Variants in KIDINS220 observed in about 807,000 individuals in gnomAD.
KIDINS220 encodes kinase D-interacting substrate of 220 kDa.
A neutral mutation model predicts 157.6 loss-of-function variants in KIDINS220; 63 were observed. That is an observed-to-expected ratio of 0.40 (90% confidence interval 0.33 to 0.49). The LOEUF (loss-of-function observed/expected upper bound fraction) is 0.49. Ranked by LOEUF, KIDINS220 falls within the 20% of genes least tolerant of loss-of-function variation. KIDINS220 has a pLI of 0.66. For missense variants in KIDINS220, 1,772 were observed against 2,171.2 expected, an observed-to-expected ratio of 0.82 and a Z score of 3.65; for synonymous variants, 732 against 783.6, an observed-to-expected ratio of 0.93 and a Z score of 1.10.
chr2:8,764,694 C>A (rs948021456), intron 22 of KIDINS220, among the ~76,000 whole-genome samples: 1 of 152,222 alleles, frequency 6.6e-6, no homozygotes, highest in African/African-American at 2.4e-5. Flanking sequence ...AATGAAGTAT[C>A]TGGATGGACG....
In KIDINS220 at chr2:8,731,589, A is replaced by G; in HGVS notation, c.4447T>C (p.Ser1483Pro). ...LDPITEEDEK[S>P]DQSGSKLLPG... ...AGAAGCTTACTGCCTGACTGATCTGATTTTTCATCTTCTTCAGTGATAGGA... is the reference window on the plus strand; with the variant it reads ...AGAAGCTTACTGCCTGACTGATCTGGTTTTTCATCTTCTTCAGTGATAGGA... The change falls in exon 30 of 30, where the codon TCA (serine) becomes CCA (proline). Residue 1483 changes from serine to proline, a missense_variant. Around this residue, in one of 3 missense-constraint regions of KIDINS220, gnomAD observed 793 missense variants for 885.5 expected, o/e 0.90. Transcript: ENST00000256707. This position sits in a 1 kb window ranked among gnomAD's most constrained non-coding sequence, Gnocchi z 5.2. 7 of 1,613,992 alleles carry G rather than the reference A, an allele frequency of 4.3e-6. No individual in the cohort carries two copies. Among genetic ancestry groups the G allele is most frequent in the Non-Finnish European group, 5.9e-6 (7 of 1,179,968 alleles).
At chr2:8,808,356 T>C (rs1675810336) in intron 6 of KIDINS220, among the ~76,000 whole-genome samples, 1 of 152,204 alleles carries the variant, frequency 6.6e-6, no homozygotes, top group Non-Finnish European at 1.5e-5. Context: ...ATATACTTAT[T>C]GTAACTGAGT....
chr2:8,733,691 G>C lies in KIDINS220; in HGVS notation c.3817-11C>G, dbSNP rs765555676. 1 of 1,449,042 alleles carries C rather than the reference G, an allele frequency of 6.9e-7. No individual in the cohort carries two copies. Among genetic ancestry groups the C allele is most frequent in the South Asian group, 1.4e-5 (1 of 71,460 alleles). The allele number at this position is 1,449,042 out of a possible 1,614,324, so 89.8% of individuals were successfully genotyped here. On this transcript the variant is annotated splice_polypyrimidine_tract_variant and intron_variant, in intron 28 of 29. Coordinates refer to ENST00000256707, the MANE Select transcript of KIDINS220 (RefSeq NM_020738.4). ...TCTCATTTCTAGTACCTTAACAGAA[G>C]AAAAACATAAATATTTACACTAACA...
At chr2:8,728,158 C>G (rs1206469661), downstream of KIDINS220, among the ~76,000 whole-genome samples, 2 of 152,176 alleles carry the variant, frequency 1.3e-5, no homozygotes, top group Admixed American at 6.5e-5. Context: ...ACCTGGGCAA[C>G]ATAGCAAGGC....
chr2:8,753,300 T>C (rs1024419949), intron 22 of KIDINS220, among the ~76,000 whole-genome samples: 5 of 152,188 alleles, frequency 3.3e-5, no homozygotes, highest in Non-Finnish European at 7.3e-5. Flanking sequence ...ATAAAGAGTG[T>C]ATAGCAATAT....
rs750350350 is a variant in KIDINS220, at chr2:8,785,959, T to C, written c.2011A>G (p.Ile671Val). Residue 671 changes from isoleucine (I) to valine (V), a missense_variant, in exon 17 of 30, where the codon ATA becomes GTA. Transcript: ENST00000256707. ...ATAGCCAGAAGAGTAATTCCAGATA[T>C]AATGCAGCCAATGATAAAAAGGAAG... ...VIFLFIIGCI[I>V]SGITLLAIFR... The C allele has an allele frequency of 6.2e-7, 1 of 1,613,266 alleles. No homozygotes were observed. The highest frequency in any genetic ancestry group is 1.3e-5 in the African/African-American group (1 of 74,884).
rs999795242 is a variant in KIDINS220, at chr2:8,750,051, A to G, written c.3414+61T>C. 81 of 1,424,150 alleles carry G rather than the reference A, an allele frequency of 5.7e-5. No individual in the cohort carries two copies. The East Asian group carries it at 1.8e-3, about 32-fold the overall frequency. 88.2% of individuals were successfully genotyped at this position (1,424,150 alleles called of 1,614,324 possible). A position where few individuals can be genotyped will look rare whatever the true frequency, so the allele number is the denominator to read the frequency against. On this transcript the variant is annotated intron_variant, in intron 24 of 29. Coordinates refer to ENST00000256707, the MANE Select transcript of KIDINS220 (RefSeq NM_020738.4). ...TAAAACCAAAACAGAATCCACAAGCAGAAAACTGAGGTTTCCCTGTAACAA... is the reference window on the plus strand; with the variant it reads ...TAAAACCAAAACAGAATCCACAAGCGGAAAACTGAGGTTTCCCTGTAACAA...
chr2:8,784,712 C>T lies in KIDINS220; in HGVS notation c.2229+1029G>A, dbSNP rs13387899. Among the ~76,000 whole-genome samples the T allele has an allele frequency of 4.6e-3, 694 of 152,242 alleles. 1 individual carries two copies. Among genetic ancestry groups the T allele is most frequent in the Non-Finnish European group, 7.2e-3 (487 of 68,010 alleles). Reference sequence around the variant, plus strand: ...AAATGCAAATTCAAACAATAAGATACCACTGCACACCTAACAGAATGGCCA... The same window carrying T: ...AAATGCAAATTCAAACAATAAGATATCACTGCACACCTAACAGAATGGCCA... On this transcript the variant is annotated intron_variant, in intron 17 of 29. Coordinates refer to ENST00000256707, the MANE Select transcript of KIDINS220 (RefSeq NM_020738.4).
intron 21 of KIDINS220, among the ~76,000 whole-genome samples, chr2:8,774,998 C>A (rs1049838321): frequency 8.6e-5 from 13 of 151,800 alleles, no homozygotes; most frequent in African/African-American, 3.1e-4. Flanking sequence ...GGGTGGTATG[C>A]CAGAAAATGG....
downstream of KIDINS220, chr2:8,727,095 A>G (rs1220527262): frequency 3.8e-6 from 4 of 1,045,180 alleles, no homozygotes; most frequent in South Asian, 1.6e-5. Flanking sequence ...ATTCAGTTGC[A>G]TAATTATGGC....
In KIDINS220 at chr2:8,779,727, T is replaced by C; in HGVS notation, c.2317A>G (p.Ile773Val). Residue 773 changes from isoleucine to valine, a missense_variant, in exon 18 of 30, where the codon ATC (isoleucine) becomes GTC (valine). This residue lies in a region of KIDINS220 where 725 missense variants were observed against 1,017.1 expected (regional missense o/e 0.71). Transcript: ENST00000256707. ...TGCTCACAGGCATCTAATCCATCGA[T>C]GATGACCACCAGCCTTGTCTGATTC... ...TQNQTRLVVI[I>V]DGLDACEQDK... 1 of 1,614,208 alleles carries C rather than the reference T, an allele frequency of 6.2e-7. No individual in the cohort carries two copies. The highest frequency in any genetic ancestry group is 8.5e-7 in the Non-Finnish European group (1 of 1,180,020).
intron 22 of KIDINS220, among the ~76,000 whole-genome samples, chr2:8,752,470 G>C (rs750273380): frequency 6.6e-6 from 1 of 152,152 alleles, no homozygotes; most frequent in Non-Finnish European, 1.5e-5. Flanking sequence ...ATGCACAGGT[G>C]TGTCATATGC....
intron 22 of KIDINS220, among the ~76,000 whole-genome samples, chr2:8,756,982 T>G (rs745611701): frequency 1.3e-4 from 20 of 152,204 alleles, no homozygotes; most frequent in Admixed American, 6.5e-5. Context: ...AATGATGATC[T>G]CAATGTCAGG....
Position 8,794,024 on chromosome 2 carries a change from CTTTATATA to C in KIDINS220, c.1099-45_1099-38del, listed in dbSNP as rs759539926. The C allele has an allele frequency of 1.7e-5, 25 of 1,490,672 alleles. No individual in the cohort carries two copies. The South Asian group carries it at 3.2e-4, about 19-fold the overall frequency. 92.3% of individuals were successfully genotyped at this position (1,490,672 alleles called of 1,614,324 possible). ...TAGTACGAAACTTGAACTTTCTTAT[CTTTATATA>C]TAGTATGCAGACAGTAACAATTTTC... On this transcript the variant is annotated intron_variant, in intron 11 of 29. Coordinates refer to ENST00000256707, the MANE Select transcript of KIDINS220 (RefSeq NM_020738.4).
chr2:8,806,006 C>G (rs574540765), intron 7 of KIDINS220, among the ~76,000 whole-genome samples: 1 of 152,188 alleles, frequency 6.6e-6, no homozygotes, highest in African/African-American at 2.4e-5. Flanking sequence ...CTATATATCA[C>G]ACTAGGATCA....
chr2:8,836,764 C>T (rs928267216), intron 1 of KIDINS220, among the ~76,000 whole-genome samples: 13 of 152,104 alleles, frequency 8.5e-5, no homozygotes, highest in African/African-American at 3.1e-4. Context: ...CACCTCAGGC[C>T]GAAGGAATGG....
At chr2:8,812,965 T>G (rs1400225041) in intron 5 of KIDINS220, among the ~76,000 whole-genome samples, 4 of 152,180 alleles carry the variant, frequency 2.6e-5, no homozygotes, top group African/African-American at 9.6e-5. Flanking sequence ...AAGAGGAAGA[T>G]GACTAAAGAT....
chr2:8,762,243 A>G (rs1668837480), intron 22 of KIDINS220, among the ~76,000 whole-genome samples: 1 of 152,232 alleles, frequency 6.6e-6, no homozygotes, highest in Non-Finnish European at 1.5e-5. Context: ...TTCAATGTTA[A>G]ATCTTTTAAG....
chr2:8,791,537 CA>C (rs1673194682), intron 12 of KIDINS220, among the ~76,000 whole-genome samples: 1 of 152,082 alleles, frequency 6.6e-6, no homozygotes, highest in Admixed American at 6.5e-5. Context: ...TAAGAAAGAA[CA>C]AAATGTTGCC....
Sources: allele counts gnomAD v4.1 joint callset (sites outside exome capture counted in the v4.1 genomes callset), GRCh38; gene constraint gnomAD v4.1.1; regional missense constraint gnomAD v4.1.1; non-coding constraint Gnocchi (gnomAD v3.1); transcripts MANE v1.5; gene names NCBI Gene and HGNC (gene_info 2026-07-23, HGNC 2026-07-21).